LARGE1: variants seen among roughly 807,000 people sequenced by gnomAD.
The protein encoded by LARGE1 is xylosyl- and glucuronyltransferase LARGE1.
Under a neutral mutation model 87.6 loss-of-function variants are expected in LARGE1, and 43 were observed. The observed-to-expected ratio is 0.49, with a 90% CI of 0.38 to 0.63. The LOEUF (loss-of-function observed/expected upper bound fraction) is 0.63, where lower values mean the gene tolerates loss of function less well. Ranked by LOEUF, LARGE1 falls within the 30% of genes least tolerant of loss-of-function variation. LARGE1 has a pLI of 0.00. For synonymous variants in LARGE1, 434 were observed against 394.6 expected (o/e 1.10, Z -1.18); for missense variants, 802 against 1,000.2 (o/e 0.80, Z 2.67).
intron 1 of LARGE1, among the ~76,000 whole-genome samples, chr22:33,805,033 T>A (rs971070425): frequency 6.6e-6 from 1 of 152,208 alleles, no homozygotes; most frequent in Non-Finnish European, 1.5e-5. Context: ...TCTCCCAAGC[T>A]TGTTTCTCTT....
intron 5 of LARGE1, among the ~76,000 whole-genome samples, chr22:33,570,799 A>ATGGTT (rs2078176246): frequency 6.6e-6 from 1 of 152,086 alleles, no homozygotes. Flanking sequence ...CTTTTGGGGC[A>ATGGTT]GTCTCTCCAT....
rs193003796 is a variant in LARGE1, at chr22:33,504,392, T to G, written c.787+60456A>C. 1.6e-4 allele frequency among the ~76,000 whole-genome samples: 25 copies of G among 152,292 alleles called. No homozygotes were observed. The East Asian group carries it at 3.5e-3, about 21-fold the overall frequency. On this transcript the variant is annotated intron_variant, in intron 6 of 14. Coordinates refer to ENST00000397394, the MANE Select transcript of LARGE1 (RefSeq NM_133642.5). Reference sequence around the variant, plus strand: ...CTCCTGCCTCAGCCTTCCGAGTAGCTGGGGTTACAGGTGCCCACCGCCATC... The same window carrying G: ...CTCCTGCCTCAGCCTTCCGAGTAGCGGGGGTTACAGGTGCCCACCGCCATC...
intron 5 of LARGE1, among the ~76,000 whole-genome samples, chr22:33,583,642 AG>A (rs1245630340): frequency 6.6e-6 from 1 of 152,240 alleles, no homozygotes; most frequent in Non-Finnish European, 1.5e-5. Flanking sequence ...TGAATAGGTC[AG>A]GGACATTGAT....
intron 1 of LARGE1, among the ~76,000 whole-genome samples, chr22:33,819,690 C>T (rs1568957483): frequency 6.6e-6 from 1 of 152,192 alleles, no homozygotes. Flanking sequence ...ACCCTTTCCA[C>T]TTTCCCATGG....
intron 2 of LARGE1, among the ~76,000 whole-genome samples, chr22:33,710,446 A>G (rs919667563): frequency 6.6e-6 from 1 of 152,230 alleles, no homozygotes; most frequent in Non-Finnish European, 1.5e-5. Context: ...AGTTAGGAAG[A>G]CAGTGGCAAG....
intron 1 of LARGE1, among the ~76,000 whole-genome samples, chr22:33,854,212 GAAAAAAAAAAA>G (rs67771177): frequency 4.1e-4 from 30 of 72,716 alleles, no homozygotes; most frequent in South Asian, 3.3e-3. Flanking sequence ...CACTTAAGGG[GAAAAAAAAAAA>G]AAAAAAAAAA....
intron 7 of LARGE1, among the ~76,000 whole-genome samples, chr22:33,388,629 G>C (rs1258938023): frequency 2.0e-5 from 3 of 151,878 alleles, no homozygotes; most frequent in Non-Finnish European, 4.4e-5. Context: ...GCAATGGCAC[G>C]ATCTCGGCTC....
intron 5 of LARGE1, 134 bp downstream of exon 5, chr22:33,604,301 A>G: frequency 8.4e-7 from 1 of 1,194,138 alleles, no homozygotes; most frequent in Non-Finnish European, 1.2e-6. Flanking sequence ...TTCTGCTGGC[A>G]AACAACTTCC....
At chr22:33,789,364 C>A (rs954344995) in intron 1 of LARGE1, among the ~76,000 whole-genome samples, 2 of 152,194 alleles carry the variant, frequency 1.3e-5, no homozygotes, top group Non-Finnish European at 2.9e-5. Context: ...GATGTCCAGG[C>A]AGATGTCTGC....
At chr22:33,451,040 T>C (rs1210248814) in intron 6 of LARGE1, among the ~76,000 whole-genome samples, 1 of 152,174 alleles carries the variant, frequency 6.6e-6, no homozygotes, top group Non-Finnish European at 1.5e-5. Flanking sequence ...ATCTCCCTCT[T>C]GCCACTGCCC....
At chr22:33,881,297 G>A (rs11704212) in intron 1 of LARGE1, among the ~76,000 whole-genome samples, 2,152 of 152,192 alleles carry the variant, frequency 0.014, 23 homozygotes, top group Middle Eastern at 0.044. Context: ...AGCGGGCCCT[G>A]GTGCCCCCAG....
At chr22:33,910,207 G>A (rs1478325893) in intron 1 of LARGE1, among the ~76,000 whole-genome samples, 2 of 152,196 alleles carry the variant, frequency 1.3e-5, no homozygotes, top group African/African-American at 4.8e-5. Context: ...GGGACAGGAA[G>A]CTCTGAATTT....
intron 7 of LARGE1, among the ~76,000 whole-genome samples, chr22:33,422,976 C>T (rs1388000171): frequency 6.6e-6 from 1 of 151,156 alleles, no homozygotes; most frequent in African/African-American, 2.4e-5. Flanking sequence ...GAGCCTGGAA[C>T]TAACACTACT....
At chr22:33,604,401 G>C (rs1045855207) in intron 5 of LARGE1, 34 bp downstream of exon 5, 6 of 1,613,540 alleles carry the variant, frequency 3.7e-6, no homozygotes, top group Non-Finnish European at 4.2e-6. Context: ...CCAGCTAGAG[G>C]AGATCACGGA....
Position 33,779,623 on chromosome 22 carries a change from T to A in LARGE1, c.-82-18065A>T, listed in dbSNP as rs1440183988. Among the ~76,000 whole-genome samples the A allele has an allele frequency of 2.6e-5, 4 of 151,856 alleles. No homozygotes were observed. In the East Asian group the frequency reaches 7.7e-4, roughly 29 times the overall value. ...AGTGAAACCCCATCTCTACTCAAAA[T>A]ACAAAAATTGCCAGATGTGGAGGTG... On this transcript the variant is annotated intron_variant, in intron 1 of 14. Transcript: ENST00000397394.
intron 6 of LARGE1, among the ~76,000 whole-genome samples, chr22:33,499,067 T>C (rs1308353455): frequency 6.6e-6 from 1 of 152,086 alleles, no homozygotes; most frequent in Admixed American, 6.6e-5. Context: ...GGCAATTGTG[T>C]ATATAACTTT....
chr22:33,306,785 A>T (rs1399072574), intron 11 of LARGE1, among the ~76,000 whole-genome samples: 1 of 151,914 alleles, frequency 6.6e-6, no homozygotes, highest in African/African-American at 2.4e-5. Flanking sequence ...GACACAGAAG[A>T]ATCGCTTGAA....
At chr22:33,854,480 A>G (rs1380006248) in intron 1 of LARGE1, among the ~76,000 whole-genome samples, 1 of 152,164 alleles carries the variant, frequency 6.6e-6, no homozygotes, top group Non-Finnish European at 1.5e-5. Flanking sequence ...ATTTTTAAAA[A>G]GTACAAGGTA....
At chr22:33,829,294 C>G (rs977365976) in intron 1 of LARGE1, among the ~76,000 whole-genome samples, 2 of 152,090 alleles carry the variant, frequency 1.3e-5, no homozygotes, top group African/African-American at 4.8e-5. Flanking sequence ...CAGGTGTGAG[C>G]CACCGCACCC....
Sources: allele counts gnomAD v4.1 joint callset (sites outside exome capture counted in the v4.1 genomes callset), GRCh38; gene constraint gnomAD v4.1.1; transcripts MANE v1.5; gene names NCBI Gene and HGNC (gene_info 2026-07-23, HGNC 2026-07-21).